The following RSRC1 variants were observed in gnomAD, a reference collection of about 807,000 sequenced individuals.
RSRC1 encodes the protein arginine and serine rich coiled-coil 1, also known as serine/Arginine-related protein 53.
In RSRC1, 39 loss-of-function variants were observed where a neutral mutation model predicts 49.1. That is an observed-to-expected ratio of 0.79 (90% CI 0.61 to 1.04). The LOEUF is 1.04. RSRC1 is among the 50% of genes least tolerant of loss of function. The probability of loss-of-function intolerance (pLI) is 0.00; values close to 1 mark genes in which losing one functional copy is unlikely to be tolerated. For synonymous variants in RSRC1, 143 were observed against 130.8 expected (o/e 1.09, Z -0.63); for missense variants, 388 against 402.4 (o/e 0.96, Z 0.31).
intron 6 of RSRC1, among the ~76,000 whole-genome samples, chr3:158,417,953 G>C (rs1236377608): frequency 6.6e-6 from 1 of 151,680 alleles, no homozygotes; most frequent in East Asian, 1.9e-4. Flanking sequence ...ACTTGTTTCG[G>C]GTTTCCTGAC....
At chr3:158,309,728 C>A (rs915595631) in intron 5 of RSRC1, among the ~76,000 whole-genome samples, 5 of 151,636 alleles carry the variant, frequency 3.3e-5, no homozygotes, top group Non-Finnish European at 7.4e-5. Flanking sequence ...AAAATAGCTA[C>A]CCGAATATGT....
chr3:158,419,285 T>C (rs574259999), intron 6 of RSRC1, among the ~76,000 whole-genome samples: 5 of 152,092 alleles, frequency 3.3e-5, no homozygotes, highest in Admixed American at 6.6e-5. Context: ...TTAGTACTTA[T>C]GGCTGTGACC....
At chr3:158,166,865 G>A (rs78283751) in intron 3 of RSRC1, among the ~76,000 whole-genome samples, 5,457 of 152,216 alleles carry the variant, frequency 0.036, 315 homozygotes, top group African/African-American at 0.12. Flanking sequence ...AAGAGGAAAC[G>A]TGAAACTAAT....
intron 7 of RSRC1, among the ~76,000 whole-genome samples, chr3:158,471,139 C>A (rs755179404): frequency 3.7e-4 from 57 of 152,196 alleles, no homozygotes; most frequent in Admixed American, 1.2e-3. Flanking sequence ...AGTCTTTTGC[C>A]TTCTGAGTCA....
At chr3:158,318,388 A>G (rs891761123) in intron 5 of RSRC1, among the ~76,000 whole-genome samples, 1 of 152,186 alleles carries the variant, frequency 6.6e-6, no homozygotes, top group African/African-American at 2.4e-5. Context: ...ATATCTTTTT[A>G]TTCTAGCCTT....
intron 6 of RSRC1, among the ~76,000 whole-genome samples, chr3:158,419,445 A>G (rs562561264): frequency 1.3e-5 from 2 of 152,104 alleles, no homozygotes; most frequent in African/African-American, 2.4e-5. Context: ...TTTATTTGCA[A>G]CCAGAAACTT....
intron 3 of RSRC1, among the ~76,000 whole-genome samples, chr3:158,142,219 G>T (rs1453507704): frequency 2.0e-5 from 3 of 152,130 alleles, no homozygotes; most frequent in Admixed American, 6.5e-5. Flanking sequence ...TACCTTCATT[G>T]TAGATTTTTG....
chr3:158,213,337 C>A (rs1209734443), intron 4 of RSRC1, among the ~76,000 whole-genome samples: 1 of 151,754 alleles, frequency 6.6e-6, no homozygotes, highest in Non-Finnish European at 1.5e-5. Flanking sequence ...GTCAACATAT[C>A]TTAGATTTCA....
chr3:158,387,435 T>C (rs1298092739), intron 6 of RSRC1, among the ~76,000 whole-genome samples: 1 of 152,124 alleles, frequency 6.6e-6, no homozygotes, highest in African/African-American at 2.4e-5. Flanking sequence ...AGTCAAATAA[T>C]AGTGGTAACA....
intron 4 of RSRC1, among the ~76,000 whole-genome samples, chr3:158,246,111 C>G (rs1328347952): frequency 6.6e-6 from 1 of 152,018 alleles, no homozygotes; most frequent in African/African-American, 2.4e-5. Context: ...ATGGATGAAG[C>G]TGGAAACCAT....
chr3:158,485,757 A>C (rs1288027099), intron 7 of RSRC1, among the ~76,000 whole-genome samples: 1 of 152,176 alleles, frequency 6.6e-6, no homozygotes, highest in Non-Finnish European at 1.5e-5. Context: ...ATTATTTTCC[A>C]ATACAGGTTG....
chr3:158,184,520 A>G (rs1272120305), intron 3 of RSRC1, among the ~76,000 whole-genome samples: 1 of 152,258 alleles, frequency 6.6e-6, no homozygotes, highest in South Asian at 2.1e-4. Flanking sequence ...TTCTTTCATT[A>G]CCATTAAAGC....
At chr3:158,537,944 G>T (rs1353200015) in intron 8 of RSRC1, among the ~76,000 whole-genome samples, 1 of 151,622 alleles carries the variant, frequency 6.6e-6, no homozygotes, top group East Asian at 1.9e-4. Flanking sequence ...TTAAGTACAT[G>T]TTTATTATCT....
intron 3 of RSRC1, among the ~76,000 whole-genome samples, chr3:158,194,425 T>G (rs1321894482): frequency 1.3e-5 from 2 of 151,972 alleles, no homozygotes; most frequent in African/African-American, 4.8e-5. Context: ...TTATAAACAG[T>G]GTTGTCATGA....
intron 6 of RSRC1, among the ~76,000 whole-genome samples, chr3:158,438,387 C>CT (rs1255611336): frequency 2.6e-5 from 4 of 152,144 alleles, no homozygotes; most frequent in Non-Finnish European, 5.9e-5. Flanking sequence ...AAGAACAAAG[C>CT]TGGAGGTATC....
chr3:158,450,935 C>G (rs1736992474), intron 6 of RSRC1, among the ~76,000 whole-genome samples: 1 of 151,644 alleles, frequency 6.6e-6, no homozygotes, highest in Non-Finnish European at 1.5e-5. Flanking sequence ...TTTGAAAGTT[C>G]ACATCCAGAA....
At chr3:158,334,649 T>TGTGTGTGTGTGTG in intron 5 of RSRC1, among the ~76,000 whole-genome samples, 1 of 137,536 alleles carries the variant, frequency 7.3e-6, no homozygotes, top group South Asian at 2.5e-4. Context: ...CCCAGCTAAT[T>TGTGTGTGTGTGTG]TGTGTGTGTG....
intron 6 of RSRC1, among the ~76,000 whole-genome samples, chr3:158,449,742 A>C (rs1321194443): frequency 6.6e-6 from 1 of 151,942 alleles, no homozygotes; most frequent in East Asian, 1.9e-4. Flanking sequence ...CTGAGACTTG[A>C]CTGCACTGAA....
At chr3:158,308,274 A>C (rs1276038127) in intron 5 of RSRC1, among the ~76,000 whole-genome samples, 1 of 151,986 alleles carries the variant, frequency 6.6e-6, no homozygotes, top group East Asian at 1.9e-4. Context: ...AATTTCAGTA[A>C]TTTGATCGTA....
Sources: allele counts gnomAD v4.1 joint callset (sites outside exome capture counted in the v4.1 genomes callset), GRCh38; gene constraint gnomAD v4.1.1; transcripts MANE v1.5; gene names NCBI Gene and HGNC (gene_info 2026-07-23, HGNC 2026-07-21).